KIAA2012: variants seen among roughly 807,000 people sequenced by gnomAD.
KIAA2012 encodes the protein KIAA2012.
Under a neutral mutation model 150.6 loss-of-function variants are expected in KIAA2012, and 125 were observed. The ratio of observed to expected loss-of-function variants is 0.83; its 90% CI spans 0.72 to 0.96. The LOEUF is 0.96. Among genes scored for constraint, KIAA2012 ranks in the 40% least tolerant of loss-of-function variants. KIAA2012 has a pLI of 0.00. For synonymous variants in KIAA2012, 462 were observed against 504.7 expected (o/e 0.92, Z 1.13); for missense variants, 1,219 against 1,354.9 (o/e 0.90, Z 1.57).
At chr2:202,099,929 T>TG in intron 6 of KIAA2012, 133 bp downstream of exon 6, 1 of 828,570 alleles carries the variant, frequency 1.2e-6, no homozygotes, top group Non-Finnish European at 1.8e-6. Context: ...AGAATCTAGC[T>TG]GGACGTGGGA....
chr2:202,091,013 T>G, intron 3 of KIAA2012, 84 bp downstream of exon 3: 1 of 1,434,424 alleles, frequency 7.0e-7, no homozygotes, highest in Non-Finnish European at 9.3e-7. Flanking sequence ...CATCAAGACC[T>G]GAAACACCAG....
chr2:202,101,809 G>A (rs1244275326), intron 7 of KIAA2012, among the ~76,000 whole-genome samples: 1 of 152,142 alleles, frequency 6.6e-6, no homozygotes, highest in Non-Finnish European at 1.5e-5. Context: ...TTTTCTTAAT[G>A]TCTCAAAATT....
intron 21 of KIAA2012, among the ~76,000 whole-genome samples, chr2:202,196,319 C>T: frequency 6.6e-6 from 1 of 151,466 alleles, no homozygotes; most frequent in East Asian, 1.9e-4. Flanking sequence ...CTCAGCCTCC[C>T]GAGTAGCTGG....
In KIAA2012 at chr2:202,097,594, T is replaced by C. The variant is rs1379780579; in HGVS notation, c.828+17T>C. 2.6e-6 allele frequency: 4 copies of C among 1,532,114 alleles called. No homozygotes were observed. The South Asian group carries it at 4.9e-5, about 19-fold the overall frequency. The allele number at this position is 1,532,114 out of a possible 1,614,324, so 94.9% of individuals were successfully genotyped here. On this transcript the variant is annotated intron_variant, in intron 5 of 23. Coordinates refer to ENST00000498697, the MANE Select transcript of KIAA2012 (RefSeq NM_001277372.4). ...CAGGCAGAGGTACCATTTCTTTTTT[T>C]TTTTTTTTTCCCCGAGACGGAGTCT... is the stretch of plus-strand genomic sequence containing the variant.
At chr2:202,196,238 A>G (rs1206369953) in intron 21 of KIAA2012, among the ~76,000 whole-genome samples, 2 of 128,326 alleles carry the variant, frequency 1.6e-5, no homozygotes, top group Non-Finnish European at 3.1e-5. Context: ...TCTGTCGCCA[A>G]GGCTTGAGTG....
intron 22 of KIAA2012, among the ~76,000 whole-genome samples, chr2:202,199,427 T>C (rs1692471709): frequency 6.6e-6 from 1 of 152,200 alleles, no homozygotes; most frequent in African/African-American, 2.4e-5. Context: ...CGGGCCACCA[T>C]GCTGGCTAGT....
chr2:202,090,779 G>T lies in KIAA2012; in HGVS notation c.379G>T (p.Asp127Tyr). ...LAYGRQQGEQ[D>Y]RAWQPYLHFR... ...ACTGGTGTCCCCACAGGGAGAGCAG[G>T]ACAGAGCCTGGCAACCATACCTCCA... Residue 127 changes from aspartate (D) to tyrosine (Y), a missense_variant, in exon 3 of 24, where the codon GAC (aspartate) becomes TAC (tyrosine). Physicochemically the swap from Asp to Tyr is radical, Grantham distance 160. Coordinates refer to ENST00000498697, the MANE Select transcript of KIAA2012 (RefSeq NM_001277372.4). 1 of 1,550,122 alleles carries T rather than the reference G, an allele frequency of 6.5e-7. No individual in the cohort carries two copies. Among genetic ancestry groups the T allele is most frequent in the South Asian group, 1.2e-5 (1 of 83,966 alleles).
intron 15 of KIAA2012, chr2:202,179,252 C>T: frequency 2.2e-6 from 2 of 911,518 alleles, no homozygotes; most frequent in South Asian, 1.3e-5. Context: ...GGCATTGTGA[C>T]TTAAAAACTG....
chr2:202,129,022 T>A (rs1690863157), intron 12 of KIAA2012, among the ~76,000 whole-genome samples: 1 of 151,972 alleles, frequency 6.6e-6, no homozygotes. Context: ...TTGCTTCTCC[T>A]GCCAGCGGCA....
Position 202,194,594 on chromosome 2 carries a change from C to T in KIAA2012, c.3187+232C>T, listed in dbSNP as rs886516516. Among the ~76,000 whole-genome samples, 4 of 152,336 alleles carry T rather than the reference C, an allele frequency of 2.6e-5. No homozygotes were observed. The South Asian group carries it at 6.2e-4, about 24-fold the overall frequency. On this transcript the variant is annotated intron_variant, in intron 21 of 23. Transcript: ENST00000498697. ...TGACTCCAGAGTCCCTTTGCCCTTT[C>T]GGCATTGCTCAAGAGCTACCTAAAT...
chr2:202,098,158 G>A (rs184896927), intron 5 of KIAA2012, among the ~76,000 whole-genome samples: 16 of 152,262 alleles, frequency 1.1e-4, no homozygotes, highest in East Asian at 7.7e-4. Flanking sequence ...CCAGGAGTTC[G>A]AGACCAGCCT....
At position 202,113,454 on chromosome 2, in the gene KIAA2012, A is replaced by G; in HGVS notation, c.1762+8A>G. Reference sequence around the variant, plus strand: ...CGCTTCCATCGGGTAAAGGTAAGCTAACACATTCCAGGGCAGCCTTGTTTT... The same window carrying G: ...CGCTTCCATCGGGTAAAGGTAAGCTGACACATTCCAGGGCAGCCTTGTTTT... On this transcript the variant is annotated splice_region_variant and intron_variant, in intron 11 of 23. Transcript: ENST00000498697. The G allele has an allele frequency of 6.5e-7, 1 of 1,531,232 alleles. No homozygotes were observed. The highest frequency in any genetic ancestry group is 8.8e-7 in the Non-Finnish European group (1 of 1,136,770). 94.9% of individuals were successfully genotyped at this position (1,531,232 alleles called of 1,614,324 possible).
chr2:202,157,586 A>G (rs927189186), intron 14 of KIAA2012, among the ~76,000 whole-genome samples: 2 of 152,340 alleles, frequency 1.3e-5, no homozygotes, highest in African/African-American at 4.8e-5. Flanking sequence ...TTGTATATGC[A>G]TGCATTTATT....
At position 202,190,466 on chromosome 2, in the gene KIAA2012, A is replaced by G; in HGVS notation, c.2784A>G (p.Glu928=). The stretch of plus-strand genomic sequence containing the variant: ...TCACTGGCAACATGGAATCTAAAGA[A>G]GAGAGAAGATGTGAGGACCCTTCCA... ...ATVTGNMESK[E]ERRCEDPSKA... The change falls in exon 19 of 24, where the codon GAA becomes GAG. Residue 928 remains glutamate (E), a synonymous_variant. Coordinates refer to ENST00000498697, the MANE Select transcript of KIAA2012 (RefSeq NM_001277372.4). 1 of 1,541,780 alleles carries G rather than the reference A, an allele frequency of 6.5e-7. No individual in the cohort carries two copies. The highest frequency in any genetic ancestry group is 8.8e-7 in the Non-Finnish European group (1 of 1,141,986).
chr2:202,094,018 C>T (rs1689800449), intron 4 of KIAA2012, among the ~76,000 whole-genome samples: 2 of 152,178 alleles, frequency 1.3e-5, no homozygotes, highest in African/African-American at 4.8e-5. Context: ...CTCAGTGGCT[C>T]ATTCTGTAAT....
intron 10 of KIAA2012, among the ~76,000 whole-genome samples, chr2:202,112,578 G>C (rs1690396528): frequency 6.6e-6 from 1 of 152,222 alleles, no homozygotes; most frequent in Non-Finnish European, 1.5e-5. Context: ...GTGGGGGGCA[G>C]TCTTGTGGAC....
At position 202,165,277 on chromosome 2, in the gene KIAA2012, C is replaced by G. The variant is rs747348322; in HGVS notation, c.2047-7C>G. 59 of 1,549,584 alleles carry G rather than the reference C, an allele frequency of 3.8e-5. No individual in the cohort carries two copies. In the South Asian group the frequency reaches 5.8e-4, roughly 15 times the overall value. On this transcript the variant is annotated splice_region_variant and splice_polypyrimidine_tract_variant and intron_variant, in intron 14 of 23. Transcript: ENST00000498697. ...AATGTATTCTTTGTTGTGTGTTAAC[C>G]CAATAGGAAAGTGGAAATGCACTGG...
rs781559337 is a variant in KIAA2012 at position 202,186,991 on chromosome 2, T to C, written c.2269T>C (p.Ser757Pro). The change falls in exon 17 of 24, where the codon TCA becomes CCA. Residue 757 changes from serine (S) to proline (P), a missense_variant. Ser to Pro is a moderately conservative substitution (Grantham distance 74, BLOSUM62 -1). Coordinates refer to ENST00000498697, the MANE Select transcript of KIAA2012 (RefSeq NM_001277372.4). Reference protein sequence around the residue: ...HRGLLGYGPESPERLSAVYTS... With the variant: ...HRGLLGYGPEPPERLSAVYTS... ...AGGACTTCTGGGATACGGGCCTGAGTCACCCGAGAGGTTGAGTGCTGTGTA... is the reference window on the plus strand; with the variant it reads ...AGGACTTCTGGGATACGGGCCTGAGCCACCCGAGAGGTTGAGTGCTGTGTA... 6.4e-7 allele frequency: 1 copy of C among 1,550,490 alleles called. No homozygotes were observed. Among genetic ancestry groups the C allele is most frequent in the Non-Finnish European group, 8.7e-7 (1 of 1,146,972 alleles).
At chr2:202,096,064 A>G (rs111317286) in intron 4 of KIAA2012, among the ~76,000 whole-genome samples, 2,292 of 152,242 alleles carry the variant, frequency 0.015, 27 homozygotes, top group Non-Finnish European at 0.023. Flanking sequence ...AGCCTGGGCA[A>G]CAGAGTGAGA....
Sources: gnomAD v4.1 joint callset for allele counts (sites outside exome capture counted in the v4.1 genomes callset) on GRCh38, gnomAD v4.1.1 for gene constraint, MANE v1.5 for transcripts, NCBI Gene and HGNC (gene_info 2026-07-23, HGNC 2026-07-21) for gene names.